PTPN2: variants seen among roughly 807,000 people sequenced by gnomAD.
PTPN2 encodes protein tyrosine phosphatase non-receptor type 2.
Under a neutral mutation model 57.3 loss-of-function variants are expected in PTPN2, and 19 were observed. The ratio of observed to expected loss-of-function variants is 0.33; its 90% CI spans 0.23 to 0.49. PTPN2 has a LOEUF of 0.49. PTPN2 is among the 20% of genes least tolerant of loss of function. The pLI is 0.99. For missense variants in PTPN2, 358 were observed against 501.1 expected, an observed-to-expected ratio of 0.71 and a Z score of 2.73; for synonymous variants, 153 against 164.9, an observed-to-expected ratio of 0.93 and a Z score of 0.55.
chr18:12,798,311 C>T (rs577764071), intron 8 of PTPN2, among the ~76,000 whole-genome samples: 14 of 152,222 alleles, frequency 9.2e-5, no homozygotes, highest in African/African-American at 3.1e-4. Flanking sequence ...GTGTCATCTC[C>T]GTGACATGTA....
At chr18:12,830,436 T>A (rs1214133145) in intron 4 of PTPN2, among the ~76,000 whole-genome samples, 1 of 152,182 alleles carries the variant, frequency 6.6e-6, no homozygotes, top group African/African-American at 2.4e-5. Context: ...CCTGGCCTAA[T>A]CCTTAATTTT....
chr18:12,836,658 T>A lies in PTPN2; in HGVS notation c.261+133A>T, dbSNP rs1265566474. Reference sequence around the variant, plus strand: ...AAACCTTATAATGTCCATAATTCATTACATCGTCAGAAAAAAACTGAAATA... The same window carrying A: ...AAACCTTATAATGTCCATAATTCATAACATCGTCAGAAAAAAACTGAAATA... On this transcript the variant is annotated intron_variant, in intron 3 of 8. Transcript: ENST00000309660. 6.6e-6 allele frequency: 4 copies of A among 605,872 alleles called. No individual in the cohort carries two copies. In the African/African-American group the frequency reaches 7.6e-5, roughly 11 times the overall value. 37.5% of individuals were successfully genotyped at this position (605,872 alleles called of 1,614,324 possible). A position where few individuals can be genotyped will look rare whatever the true frequency, so the allele number is the denominator to read the frequency against.
At position 12,836,985 on chromosome 18, in the gene PTPN2, G is replaced by A. The variant is rs1035737255; in HGVS notation, c.161-94C>T. 7 of 764,046 alleles carry A rather than the reference G, an allele frequency of 9.2e-6. No homozygotes were observed. In the Admixed American group the frequency reaches 1.7e-4, roughly 18 times the overall value. 47.3% of individuals were successfully genotyped at this position (764,046 alleles called of 1,614,324 possible). ...TCTAGGTATTTATAAAAAGACAGAA[G>A]AAATAAGAAAAATGAATTAGCATCA... is the stretch of plus-strand genomic sequence containing the variant. On this transcript the variant is annotated intron_variant, in intron 2 of 8. Transcript: ENST00000309660.
At chr18:12,805,544 C>T (rs2041614538) in intron 7 of PTPN2, among the ~76,000 whole-genome samples, 1 of 151,696 alleles carries the variant, frequency 6.6e-6, no homozygotes. Context: ...CACAAAGCCA[C>T]GTTATGACAA....
intron 1 of PTPN2, among the ~76,000 whole-genome samples, chr18:12,868,823 G>A (rs76829510): frequency 0.035 from 5,319 of 150,842 alleles, 327 homozygotes; most frequent in African/African-American, 0.12. Context: ...TTTAACAAGT[G>A]AAGCTATAAA....
intron 6 of PTPN2, among the ~76,000 whole-genome samples, chr18:12,815,439 T>A (rs1243296911): frequency 6.6e-6 from 1 of 151,414 alleles, no homozygotes; most frequent in Non-Finnish European, 1.5e-5. Flanking sequence ...ATAAATAGAA[T>A]AATAAAATAA....
At chr18:12,872,736 A>C (rs1435084017) in intron 1 of PTPN2, among the ~76,000 whole-genome samples, 1 of 152,250 alleles carries the variant, frequency 6.6e-6, no homozygotes, top group South Asian at 2.1e-4. Context: ...AAAGGTGTCT[A>C]AAGGTATCTA....
chr18:12,825,576 AT>A (rs1267783810), intron 5 of PTPN2, among the ~76,000 whole-genome samples: 1 of 152,090 alleles, frequency 6.6e-6, no homozygotes, highest in Non-Finnish European at 1.5e-5. Context: ...CTATTAATTA[AT>A]TTTTAATCCC....
Position 12,830,402 on chromosome 18 carries a change from G to T in PTPN2, c.360+541C>A, listed in dbSNP as rs539191394. Among the ~76,000 whole-genome samples the T allele has an allele frequency of 8.1e-4, 123 of 152,200 alleles. 1 individual carries two copies. The highest frequency in any genetic ancestry group is 1.5e-3 in the South Asian group (7 of 4,814). On this transcript the variant is annotated intron_variant, in intron 4 of 8. Coordinates refer to ENST00000309660, the MANE Select transcript of PTPN2 (RefSeq NM_002828.4). ...CCTGCCTCGGCCTCCCAAAGTGCTG[G>T]GATTACAGGTTTGAGGCACCGTGCC... is the stretch of plus-strand genomic sequence containing the variant.
chr18:12,800,703 A>G (rs2041385884), intron 8 of PTPN2, among the ~76,000 whole-genome samples: 1 of 152,200 alleles, frequency 6.6e-6, no homozygotes, highest in Non-Finnish European at 1.5e-5. Flanking sequence ...TTTCATTCCA[A>G]TCTAACAAAT....
At position 12,878,725 on chromosome 18, in the gene PTPN2, A is replaced by G. The variant is rs2044574848; in HGVS notation, c.69+5348T>C. 2.0e-5 allele frequency among the ~76,000 whole-genome samples: 3 copies of G among 152,130 alleles called. No homozygotes were observed. In the South Asian group the frequency reaches 6.2e-4, roughly 31 times the overall value. On this transcript the variant is annotated intron_variant, in intron 1 of 8. Coordinates refer to ENST00000309660, the MANE Select transcript of PTPN2 (RefSeq NM_002828.4). ...GTTCCATTGTTTATAAACCCTAATTAATCAACCAATTTCCAAGAGGCTGAG... is the reference window on the plus strand; with the variant it reads ...GTTCCATTGTTTATAAACCCTAATTGATCAACCAATTTCCAAGAGGCTGAG...
At chr18:12,865,460 A>C (rs1259948901) in intron 1 of PTPN2, among the ~76,000 whole-genome samples, 1 of 148,662 alleles carries the variant, frequency 6.7e-6, no homozygotes, top group Non-Finnish European at 1.5e-5. Flanking sequence ...AAAAAGAGAG[A>C]GGCGGGGCAC....
intron 2 of PTPN2, among the ~76,000 whole-genome samples, chr18:12,849,108 A>G (rs1351665683): frequency 6.6e-6 from 1 of 152,176 alleles, no homozygotes; most frequent in African/African-American, 2.4e-5. Context: ...ATTATGAGTG[A>G]TGTTGTTGCA....
rs2041994551 is a variant in PTPN2 at position 12,814,367 on chromosome 18, GC to G, written c.706-13del. The G allele has an allele frequency of 7.7e-6, 12 of 1,567,836 alleles. No individual in the cohort carries two copies. Among genetic ancestry groups the G allele is most frequent in the Non-Finnish European group, 1.0e-5 (12 of 1,161,094 alleles). ...TCTCCTTTTTCCATCTGCAAGAAAG[GC>G]AAAAAATGAGACAAGTCTTGTTATT... On this transcript the variant is annotated splice_polypyrimidine_tract_variant and intron_variant, in intron 6 of 8. Transcript: ENST00000309660.
At chr18:12,805,687 G>A (rs1243644853) in intron 7 of PTPN2, among the ~76,000 whole-genome samples, 1 of 142,350 alleles carries the variant, frequency 7.0e-6, no homozygotes, top group African/African-American at 2.6e-5. Context: ...TCACCAGGCT[G>A]GAGTGCAGTG....
At chr18:12,842,541 G>T (rs1243578322) in intron 2 of PTPN2, among the ~76,000 whole-genome samples, 2 of 152,180 alleles carry the variant, frequency 1.3e-5, no homozygotes, top group Admixed American at 6.5e-5. Context: ...CACAGATGTG[G>T]AAGGGGTCAG....
At chr18:12,869,737 C>A (rs2044121499) in intron 1 of PTPN2, among the ~76,000 whole-genome samples, 2 of 152,054 alleles carry the variant, frequency 1.3e-5, no homozygotes, top group Non-Finnish European at 2.9e-5. Context: ...TTAAGATAAT[C>A]CCAAATTGAT....
Position 12,884,108 on chromosome 18 carries a change from A to G in PTPN2, c.34T>C (p.Leu12=), listed in dbSNP as rs754585398. ...PTTIEREFEE[L]DTQRRWQPLY... ...GGCTGCCAGCGACGCTGAGTATCCA[A>G]CTCTTCGAACTCCCGCTCGATGGTG... The change falls in exon 1 of 9, where the codon TTG becomes CTG. Residue 12 remains leucine (L), a synonymous_variant. Transcript: ENST00000309660. 113 of 1,586,852 alleles carry G rather than the reference A, an allele frequency of 7.1e-5. No individual in the cohort carries two copies. The highest frequency in any genetic ancestry group is 1.5e-4 in the South Asian group (13 of 87,382).
Position 12,854,341 on chromosome 18 carries a change from C to T in PTPN2, c.160+4823G>A, listed in dbSNP as rs58963424. On this transcript the variant is annotated intron_variant, in intron 2 of 8. Transcript: ENST00000309660. Reference sequence around the variant, plus strand: ...TGCCACTGCACTCCAGCCTGAGTGACAGAGCCAGACCCTGTCTTGAAAAAA... The same window carrying T: ...TGCCACTGCACTCCAGCCTGAGTGATAGAGCCAGACCCTGTCTTGAAAAAA... Among the ~76,000 whole-genome samples the T allele has an allele frequency of 9.6e-3, 1,173 of 121,884 alleles. 22 individuals are homozygous for T. The highest frequency in any genetic ancestry group is 0.036 in the African/African-American group (1,131 of 31,006). 80.0% of individuals were successfully genotyped at this position (121,884 alleles called of 152,430 possible). A position where few individuals can be genotyped will look rare whatever the true frequency, so the allele number is the denominator to read the frequency against.
Sources: allele counts gnomAD v4.1 joint callset (sites outside exome capture counted in the v4.1 genomes callset), GRCh38; gene constraint gnomAD v4.1.1; transcripts MANE v1.5; gene names NCBI Gene and HGNC (gene_info 2026-07-23, HGNC 2026-07-21).